Variants in GATAD1 observed in about 807,000 individuals in gnomAD.
GATAD1 encodes GATA zinc finger domain-containing protein 1.
Under a neutral mutation model 26.5 loss-of-function variants are expected in GATAD1, and 12 were observed. The observed-to-expected ratio is 0.45, with a 90% confidence interval of 0.29 to 0.73. The LOEUF (loss-of-function observed/expected upper bound fraction) is 0.73. GATAD1 is among the 30% of genes least tolerant of loss of function. The pLI is 0.10. For synonymous variants in GATAD1, 129 were observed against 133.1 expected, an observed-to-expected ratio of 0.97 and a Z score of 0.21; for missense variants, 266 against 342.1, an observed-to-expected ratio of 0.78 and a Z score of 1.75.
chr7:92,456,616 C>G lies in GATAD1; in HGVS notation c.*54C>G. The G allele has an allele frequency of 8.9e-7, 1 of 1,129,332 alleles. No individual in the cohort carries two copies. Among genetic ancestry groups the G allele is most frequent in the Non-Finnish European group, 1.3e-6 (1 of 767,472 alleles). 70.0% of individuals were successfully genotyped at this position (1,129,332 alleles called of 1,614,324 possible). ...CTGGTGTGGTGGCTCACGCCTGTAG[C>G]CCCAGCTATTGCACCACTGCTCTCC... On this transcript the variant is annotated 3_prime_UTR_variant, in exon 5 of 5. Transcript: ENST00000287957.
In GATAD1 at chr7:92,447,726, C is replaced by T. The variant is rs1327842302; in HGVS notation, c.-4C>T. 6.8e-7 allele frequency: 1 copy of T among 1,466,240 alleles called. No homozygotes were observed. Among genetic ancestry groups the T allele is most frequent in the Non-Finnish European group, 9.0e-7 (1 of 1,108,322 alleles). 90.8% of individuals were successfully genotyped at this position (1,466,240 alleles called of 1,614,324 possible). On this transcript the variant is annotated 5_prime_UTR_variant, in exon 1 of 5. Transcript: ENST00000287957. Reference sequence around the variant, plus strand: ...GCCCGCGGGGGCCGCCCGAGCCGGCCACCATGCCGCTGGGCCTGAAGCCCA... The same window carrying T: ...GCCCGCGGGGGCCGCCCGAGCCGGCTACCATGCCGCTGGGCCTGAAGCCCA...
chr7:92,461,167 C>A (rs544890135), downstream of GATAD1, among the ~76,000 whole-genome samples: 1 of 152,324 alleles, frequency 6.6e-6, no homozygotes, highest in East Asian at 1.9e-4. Flanking sequence ...ACTCCTGGGC[C>A]AGGCGCATGC....
chr7:92,470,168 A>G, the GATAD1 span: 2 of 778,824 alleles, frequency 2.6e-6, no homozygotes, highest in South Asian at 2.7e-5. Context: ...GAGTGATAGC[A>G]GTTGCGGGGC....
chr7:92,481,939 G>A, the GATAD1 span, among the ~76,000 whole-genome samples: 1 of 152,192 alleles, frequency 6.6e-6, no homozygotes, highest in Admixed American at 6.5e-5. Flanking sequence ...TGTAACAGAT[G>A]GAGAAGAAAT....
the GATAD1 span, chr7:92,492,945 T>A: frequency 1.2e-6 from 2 of 1,608,502 alleles, no homozygotes; most frequent in South Asian, 1.1e-5. Context: ...CTTCCTCATA[T>A]AACTTGCCTG....
chr7:92,493,175 A>C, the GATAD1 span: 1 of 1,058,184 alleles, frequency 9.5e-7, no homozygotes, highest in Non-Finnish European at 1.4e-6. Flanking sequence ...TAAAATTAAA[A>C]ATATTATCTT....
At chr7:92,465,804 T>C in the GATAD1 span, among the ~76,000 whole-genome samples, 11 of 151,664 alleles carry the variant, frequency 7.3e-5, no homozygotes, top group East Asian at 2.2e-3. Context: ...AGTTCAAGAC[T>C]AGCCTGGTCA....
At chr7:92,460,401 T>G (rs115081224), downstream of GATAD1, among the ~76,000 whole-genome samples, 818 of 152,142 alleles carry the variant, frequency 5.4e-3, 11 homozygotes, top group African/African-American at 0.019. Context: ...CCAAGAAATA[T>G]AAGCCAGGAG....
chr7:92,458,170 C>A lies in GATAD1; in HGVS notation c.*1608C>A, dbSNP rs1554359877. On this transcript the variant is annotated 3_prime_UTR_variant, in exon 5 of 5. Transcript: ENST00000287957. ...AAAAAGAAAAAATTTTAATTTAATC[C>A]TTCTGTAGAAACAGGCATTCAGAAC... 7.1e-6 allele frequency: 1 copy of A among 140,494 alleles called. No individual in the cohort carries two copies. The highest frequency in any genetic ancestry group is 1.5e-5 in the Non-Finnish European group (1 of 65,580). The allele number at this position is 140,494 out of a possible 1,614,324, so 8.7% of individuals were successfully genotyped here.
the GATAD1 span, chr7:92,490,253 GA>G: frequency 3.7e-6 from 1 of 273,676 alleles, no homozygotes; most frequent in Non-Finnish European, 7.0e-6. Context: ...TTTCTAAATA[GA>G]ATAAATTAAA....
chr7:92,478,392 G>C, the GATAD1 span, among the ~76,000 whole-genome samples: 1 of 152,190 alleles, frequency 6.6e-6, no homozygotes, highest in Non-Finnish European at 1.5e-5. Context: ...AATGGATGTT[G>C]AATGAATTCA....
chr7:92,489,369 G>C, the GATAD1 span: 1 of 1,611,930 alleles, frequency 6.2e-7, no homozygotes, highest in Non-Finnish European at 8.5e-7. Flanking sequence ...AAATGTGACT[G>C]ACTAATAGCC....
chr7:92,454,605 A>T lies in GATAD1; in HGVS notation c.539A>T (p.Glu180Val), dbSNP rs764831879. 50 of 1,613,216 alleles carry T rather than the reference A, an allele frequency of 3.1e-5. No homozygotes were observed. Among genetic ancestry groups the T allele is most frequent in the Non-Finnish European group, 4.0e-5 (47 of 1,179,238 alleles). The change falls in exon 4 of 5, where the codon GAG (glutamate) becomes GTG (valine). Residue 180 changes from glutamate (E) to valine (V), a missense_variant. By Grantham distance (121) the Glu-to-Val change is moderately radical. Coordinates refer to ENST00000287957, the MANE Select transcript of GATAD1 (RefSeq NM_021167.5). Reference protein sequence around the residue: ...IRGFIQDQYCEKSAALTWLIP... With the variant: ...IRGFIQDQYCVKSAALTWLIP... ...GGTTTTATCCAGGACCAGTATTGCG[A>T]GAAGAGTGCAGCACTGACGTGGCTC... is the stretch of plus-strand genomic sequence containing the variant.
At chr7:92,486,435 G>A in the GATAD1 span, among the ~76,000 whole-genome samples, 4 of 152,344 alleles carry the variant, frequency 2.6e-5, no homozygotes, top group East Asian at 7.7e-4. Flanking sequence ...ACTTTATGGT[G>A]AAAAGAGGGC....
rs1789767046 is a variant in GATAD1 at position 92,458,182 on chromosome 7, C to T, written c.*1620C>T. ...TTTTAATTTAATCCTTCTGTAGAAA[C>T]AGGCATTCAGAACCATTCCATTGAT... On this transcript the variant is annotated 3_prime_UTR_variant, in exon 5 of 5. Coordinates refer to ENST00000287957, the MANE Select transcript of GATAD1 (RefSeq NM_021167.5). The T allele has an allele frequency of 6.6e-6, 1 of 152,044 alleles. No homozygotes were observed. Among genetic ancestry groups the T allele is most frequent in the Non-Finnish European group, 1.5e-5 (1 of 68,022 alleles). 9.4% of individuals were successfully genotyped at this position (152,044 alleles called of 1,614,324 possible). A position where few individuals can be genotyped will look rare whatever the true frequency, so the allele number is the denominator to read the frequency against.
chr7:92,468,796 A>T, the GATAD1 span: 1 of 759,074 alleles, frequency 1.3e-6, no homozygotes. Context: ...GGGGCGTAGT[A>T]GAGGTTGTGC....
the GATAD1 span, chr7:92,489,401 G>C: frequency 1.2e-6 from 2 of 1,612,690 alleles, no homozygotes; most frequent in Non-Finnish European, 1.7e-6. Context: ...GATTGGTCCT[G>C]GTTGGTTCAT....
At chr7:92,493,014 GCTTT>G in the GATAD1 span, 1 of 1,613,698 alleles carries the variant, frequency 6.2e-7, no homozygotes. Flanking sequence ...GTAAAGTAAA[GCTTT>G]CAGATCAGCT....
the GATAD1 span, chr7:92,490,148 T>C: frequency 1.9e-6 from 1 of 528,580 alleles, no homozygotes; most frequent in Non-Finnish European, 3.4e-6. Flanking sequence ...ACAGGGTAGG[T>C]TTTTTTAACT....
Sources: gnomAD v4.1 joint callset for allele counts (sites outside exome capture counted in the v4.1 genomes callset) on GRCh38, gnomAD v4.1.1 for gene constraint, MANE v1.5 for transcripts, NCBI Gene and HGNC (gene_info 2026-07-23, HGNC 2026-07-21) for gene names.